The following HYKK variants were observed in gnomAD, a reference collection of about 807,000 sequenced individuals.
HYKK encodes the protein 5-hydroxy-L-lysine kinase.
Under a neutral mutation model 29.7 loss-of-function variants are expected in HYKK, and 19 were observed. That is an observed-to-expected ratio of 0.64 (90% CI 0.45 to 0.94). HYKK has a LOEUF of 0.94. HYKK is among the 40% of genes least tolerant of loss of function. The pLI, the probability that HYKK is intolerant of heterozygous loss-of-function variation, is 0.00. For synonymous variants in HYKK, 152 were observed against 158.1 expected (o/e 0.96, Z 0.29); for missense variants, 390 against 443.4 (o/e 0.88, Z 1.08).
rs755607499 is a variant in HYKK, at chr15:78,527,418, GA to G, written c.518del (p.Asn173ThrfsTer6). ...CAAAGTTAAGTAGTCTTCATCGGGA[GA>G]ACTTCATCTGGAATCTGAAAAATGT... ...HPKLSSLHRE[N>X]FIWNLKNVPL... On this transcript the variant is annotated frameshift_variant, in exon 4 of 5. Transcript: ENST00000388988. LOFTEE classifies it high-confidence loss of function. 8.7e-6 allele frequency: 14 copies of G among 1,613,836 alleles called. No individual in the cohort carries two copies. Among genetic ancestry groups the G allele is most frequent in the Non-Finnish European group, 1.2e-5 (14 of 1,179,934 alleles).
intron 3 of HYKK, among the ~76,000 whole-genome samples, chr15:78,521,818 A>G (rs2052199858): frequency 6.6e-6 from 1 of 151,908 alleles, no homozygotes; most frequent in African/African-American, 2.4e-5. Flanking sequence ...GTCTGAGTGA[A>G]CCCCAGGATT....
At chr15:78,514,584 C>A (rs942643472) in intron 2 of HYKK, among the ~76,000 whole-genome samples, 3 of 152,148 alleles carry the variant, frequency 2.0e-5, no homozygotes, top group African/African-American at 7.2e-5. Flanking sequence ...GTACCTCACT[C>A]CCCTCAATTG....
At chr15:78,512,377 CTTTTTTTCT>C (rs1438917789) in intron 1 of HYKK, among the ~76,000 whole-genome samples, 3 of 137,440 alleles carry the variant, frequency 2.2e-5, no homozygotes, top group Admixed American at 7.2e-5. Context: ...GAGCTGAATT[CTTTTTTTCT>C]TTTTTTTCTT....
At position 78,515,143 on chromosome 15, in the gene HYKK, T is replaced by TTCTAAATAAATAAATATTTA. The variant is rs756263663; in HGVS notation, c.477+37_477+38insCTAAATAAATAAATATTTAT. 184 of 1,459,440 alleles carry TTCTAAATAAATAAATATTTA rather than the reference T, an allele frequency of 1.3e-4. No individual in the cohort carries two copies. The African/African-American group carries it at 2.3e-3, about 18-fold the overall frequency. The allele number at this position is 1,459,440 out of a possible 1,614,324, so 90.4% of individuals were successfully genotyped here. A position where few individuals can be genotyped will look rare whatever the true frequency, so the allele number is the denominator to read the frequency against. On this transcript the variant is annotated intron_variant, in intron 3 of 4. Transcript: ENST00000388988. ...GGGCTTTATTTTATTCTAAGGGATG[T>TTCTAAATAAATAAATATTTA]TTGTTTGCTTGTTATTTTATTTTTA... is the stretch of plus-strand genomic sequence containing the variant.
chr15:78,530,635 A>G (rs953147665), intron 4 of HYKK, among the ~76,000 whole-genome samples: 1 of 150,210 alleles, frequency 6.7e-6, no homozygotes, highest in Non-Finnish European at 1.5e-5. Flanking sequence ...AGGACTTTCA[A>G]TTTTATTTAA....
intron 1 of HYKK, among the ~76,000 whole-genome samples, chr15:78,512,006 A>AT (rs1021757514): frequency 1.3e-5 from 2 of 152,194 alleles, no homozygotes; most frequent in African/African-American, 2.4e-5. Flanking sequence ...ATGTAACTTT[A>AT]TTTTTTGTAA....
At chr15:78,525,506 T>C (rs1339135549) in intron 3 of HYKK, among the ~76,000 whole-genome samples, 1 of 146,010 alleles carries the variant, frequency 6.8e-6, no homozygotes. Flanking sequence ...TTTTTATATA[T>C]ATATTTTTTG....
chr15:78,530,200 ATTTT>A (rs60803012), intron 4 of HYKK, among the ~76,000 whole-genome samples: 40,817 of 134,844 alleles, frequency 0.3, 5,999 homozygotes, highest in Non-Finnish European at 0.4. Flanking sequence ...TTATTTATTT[ATTTT>A]TTTTTTTTTT....
intron 4 of HYKK, chr15:78,528,440 A>G: frequency 4.1e-6 from 4 of 985,414 alleles, no homozygotes; most frequent in Non-Finnish European, 4.8e-6. Flanking sequence ...GTGTACACAG[A>G]CAGGTGTTTC....
intron 2 of HYKK, among the ~76,000 whole-genome samples, chr15:78,514,591 A>G (rs1038656843): frequency 1.3e-5 from 2 of 152,100 alleles, no homozygotes; most frequent in Non-Finnish European, 2.9e-5. Context: ...ACTCCCCTCA[A>G]TTGTGAACTT....
chr15:78,526,171 T>A (rs746837725), intron 3 of HYKK, among the ~76,000 whole-genome samples: 1 of 152,222 alleles, frequency 6.6e-6, no homozygotes, highest in African/African-American at 2.4e-5. Flanking sequence ...CAGAATTTTT[T>A]AATTCTAAGA....
downstream of HYKK, chr15:78,536,747 G>A (rs2052366668): frequency 6.6e-6 from 1 of 152,170 alleles, no homozygotes. Context: ...AACTTGCCTG[G>A]ATTAAGGGAT....
chr15:78,526,184 A>T (rs1364945483), intron 3 of HYKK, among the ~76,000 whole-genome samples: 1 of 152,242 alleles, frequency 6.6e-6, no homozygotes, highest in Non-Finnish European at 1.5e-5. Flanking sequence ...TTCTAAGAAC[A>T]TCCTTTAATT....
At chr15:78,528,081 A>C (rs912669916) in intron 4 of HYKK, 1 of 155,262 alleles carries the variant, frequency 6.4e-6, no homozygotes, top group African/African-American at 2.4e-5. Flanking sequence ...TTTCTTTGCT[A>C]CATAAATTAT....
intron 2 of HYKK, 40 bp downstream of exon 2, chr15:78,513,465 A>T (rs764697236): frequency 3.5e-6 from 5 of 1,411,408 alleles, no homozygotes; most frequent in Non-Finnish European, 3.9e-6. Flanking sequence ...ACCTATCCAG[A>T]CACATCACTG....
Position 78,533,219 on chromosome 15 carries a change from A to T in HYKK, c.671A>T (p.His224Leu). Residue 224 changes from histidine to leucine, a missense_variant, in exon 5 of 5, where the codon CAC (histidine) becomes CTC (leucine). His to Leu is a moderately conservative substitution (Grantham distance 99). Coordinates refer to ENST00000388988, the MANE Select transcript of HYKK (RefSeq NM_001013619.4). ...ATTTTTCTACTTTCAGGTATCAATC[A>T]CGGAGATCTTAATGACCATAATATT... ...KLSHFRECIN[H>L]GDLNDHNILI... 6.3e-7 allele frequency: 1 copy of T among 1,591,820 alleles called. No homozygotes were observed. The highest frequency in any genetic ancestry group is 2.2e-5 in the East Asian group (1 of 44,816).
chr15:78,517,343 G>A (rs2052146625), intron 3 of HYKK, among the ~76,000 whole-genome samples: 1 of 152,054 alleles, frequency 6.6e-6, no homozygotes, highest in Non-Finnish European at 1.5e-5. Context: ...GGGAGGCTGA[G>A]GCAGGCGGAT....
intron 4 of HYKK, among the ~76,000 whole-genome samples, chr15:78,531,542 A>T (rs2052312722): frequency 6.6e-6 from 1 of 151,664 alleles, no homozygotes; most frequent in Non-Finnish European, 1.5e-5. Context: ...TGTATATAAA[A>T]TTTTTTTGAG....
At chr15:78,537,299 G>T, downstream of HYKK, 1 of 647,692 alleles carries the variant, frequency 1.5e-6, no homozygotes, top group Non-Finnish European at 2.9e-6. Context: ...TTTACTTTCA[G>T]GACCTAGCAC....
Sources: gnomAD v4.1 joint callset for allele counts (sites outside exome capture counted in the v4.1 genomes callset) on GRCh38, gnomAD v4.1.1 for gene constraint, MANE v1.5 for transcripts, NCBI Gene and HGNC (gene_info 2026-07-23, HGNC 2026-07-21) for gene names.